Variants in GPM6A observed in about 807,000 individuals in gnomAD.
GPM6A encodes neuronal membrane glycoprotein M6-a.
Under a neutral mutation model 32.1 loss-of-function variants are expected in GPM6A, and 7 were observed. That is an observed-to-expected ratio of 0.22 (90% confidence interval 0.12 to 0.41). The LOEUF is 0.41. Among genes scored for constraint, GPM6A ranks in the 10% least tolerant of loss-of-function variants. The pLI, the probability that GPM6A is intolerant of heterozygous loss-of-function variation, is 1.00. For missense variants in GPM6A, 235 were observed against 347.2 expected (o/e 0.68, Z 2.57); for synonymous variants, 130 against 123.4 (o/e 1.05, Z -0.35).
intron 1 of GPM6A, among the ~76,000 whole-genome samples, chr4:175,847,090 A>T (rs1579563347): frequency 6.6e-6 from 1 of 152,202 alleles, no homozygotes; most frequent in East Asian, 1.9e-4. Context: ...AAGCCAAAAA[A>T]GTAACTCAGG....
intron 1 of GPM6A, among the ~76,000 whole-genome samples, chr4:175,857,241 T>C (rs1182056767): frequency 6.6e-6 from 1 of 152,126 alleles, no homozygotes; most frequent in East Asian, 1.9e-4. Context: ...ATATATAGCA[T>C]GTGATATACA....
chr4:175,983,312 G>T (rs535151325), intron 1 of GPM6A, among the ~76,000 whole-genome samples: 196 of 152,300 alleles, frequency 1.3e-3, no homozygotes, highest in Admixed American at 3.9e-3. Context: ...TGGTGATAAC[G>T]CAGTTGCACT....
intron 6 of GPM6A, among the ~76,000 whole-genome samples, chr4:175,636,260 GTATATATATATATATATATATATATATA>G (rs34516159): frequency 2.0e-5 from 2 of 101,320 alleles, no homozygotes; most frequent in South Asian, 6.2e-4. Context: ...CATAATCACT[GTATATATATATATATATATATATATATA>G]TATATATATA....
chr4:175,766,998 T>C (rs979163674), intron 1 of GPM6A, among the ~76,000 whole-genome samples: 21 of 152,030 alleles, frequency 1.4e-4, no homozygotes, highest in African/African-American at 4.8e-4. Flanking sequence ...AATCATAAAC[T>C]TTTTCGGCAG....
chr4:175,779,812 G>A (rs1012835399), intron 1 of GPM6A, among the ~76,000 whole-genome samples: 1 of 152,016 alleles, frequency 6.6e-6, no homozygotes, highest in African/African-American at 2.4e-5. Flanking sequence ...TCCTGAGTAA[G>A]GAAATATGAG....
intron 1 of GPM6A, among the ~76,000 whole-genome samples, chr4:175,878,675 T>G (rs1187201203): frequency 6.6e-6 from 1 of 152,102 alleles, no homozygotes; most frequent in Non-Finnish European, 1.5e-5. Flanking sequence ...TGGGATGGGC[T>G]GCCTTGAAGG....
chr4:175,868,859 T>C (rs1369244883), intron 1 of GPM6A, among the ~76,000 whole-genome samples: 3 of 152,220 alleles, frequency 2.0e-5, no homozygotes, highest in African/African-American at 7.2e-5. Flanking sequence ...CCTTTTCTGT[T>C]CTCATTTGTT....
intron 1 of GPM6A, among the ~76,000 whole-genome samples, chr4:175,768,434 G>A (rs1453522080): frequency 2.0e-5 from 3 of 151,986 alleles, no homozygotes; most frequent in East Asian, 1.9e-4. Flanking sequence ...TTGCAAATAC[G>A]GGAAAATGAC....
At chr4:175,878,842 T>C (rs557872171) in intron 1 of GPM6A, among the ~76,000 whole-genome samples, 77 of 152,330 alleles carry the variant, frequency 5.1e-4, no homozygotes, top group African/African-American at 1.7e-3. Flanking sequence ...TTTCCAAACT[T>C]TTATGCTTTG....
At chr4:175,731,614 C>T (rs1020943739) in intron 1 of GPM6A, among the ~76,000 whole-genome samples, 2 of 152,202 alleles carry the variant, frequency 1.3e-5, no homozygotes, top group Non-Finnish European at 2.9e-5. Flanking sequence ...GAAAAGCACT[C>T]TGTAGAAAAT....
intron 1 of GPM6A, among the ~76,000 whole-genome samples, chr4:175,744,746 C>T (rs771565567): frequency 4.6e-5 from 7 of 152,116 alleles, no homozygotes; most frequent in East Asian, 3.9e-4. Context: ...AAACCTTCAA[C>T]GTTAGCTGTC....
At chr4:175,845,114 A>G (rs1411987105) in intron 1 of GPM6A, among the ~76,000 whole-genome samples, 1 of 151,862 alleles carries the variant, frequency 6.6e-6, no homozygotes, top group Admixed American at 6.6e-5. Context: ...AAAAAAGAGA[A>G]ACATATTTTT....
At chr4:175,852,333 A>G (rs941774976) in intron 1 of GPM6A, among the ~76,000 whole-genome samples, 3 of 152,188 alleles carry the variant, frequency 2.0e-5, no homozygotes, top group African/African-American at 7.2e-5. Context: ...GTAATGAGAA[A>G]ATGAACTGAT....
At chr4:175,774,835 T>C (rs539924634) in intron 1 of GPM6A, among the ~76,000 whole-genome samples, 307 of 152,244 alleles carry the variant, frequency 2.0e-3, no homozygotes, top group Non-Finnish European at 3.8e-3. Context: ...TGCAAAACAG[T>C]TATTTTCTAT....
chr4:175,764,864 T>TATTATA (rs1732896756), intron 1 of GPM6A, among the ~76,000 whole-genome samples: 1 of 147,800 alleles, frequency 6.8e-6, no homozygotes, highest in African/African-American at 2.5e-5. Context: ...TTATTATTAT[T>TATTATA]ATTATTATTA....
chr4:175,796,764 A>G (rs1235219299), intron 1 of GPM6A, among the ~76,000 whole-genome samples: 1 of 152,168 alleles, frequency 6.6e-6, no homozygotes, highest in Non-Finnish European at 1.5e-5. Context: ...GGAACTCATT[A>G]TATATTCATT....
chr4:175,888,839 C>T (rs1737543589), intron 1 of GPM6A, among the ~76,000 whole-genome samples: 1 of 151,978 alleles, frequency 6.6e-6, no homozygotes, highest in Admixed American at 6.6e-5. Context: ...ATATAGTCAA[C>T]ATAAAGTAAT....
intron 1 of GPM6A, among the ~76,000 whole-genome samples, chr4:175,932,590 A>G (rs1370025876): frequency 1.3e-5 from 2 of 152,204 alleles, no homozygotes; most frequent in Non-Finnish European, 2.9e-5. Flanking sequence ...CAAAATATTT[A>G]TTGATGAGAT....
chr4:175,964,040 A>G (rs933317513), intron 1 of GPM6A, among the ~76,000 whole-genome samples: 1 of 152,138 alleles, frequency 6.6e-6, no homozygotes, highest in South Asian at 2.1e-4. Context: ...GAGAAGAAAA[A>G]AAAATCACAT....
Sources: allele counts gnomAD v4.1 joint callset (sites outside exome capture counted in the v4.1 genomes callset), GRCh38; gene constraint gnomAD v4.1.1; transcripts MANE v1.5; gene names NCBI Gene and HGNC (gene_info 2026-07-23, HGNC 2026-07-21).